ANKRD10: variants seen among roughly 807,000 people sequenced by gnomAD.
ANKRD10 encodes ankyrin repeat domain 10.
A neutral mutation model predicts 27.0 loss-of-function variants in ANKRD10; 14 were observed. The ratio of observed to expected loss-of-function variants is 0.52; its 90% confidence interval spans 0.34 to 0.81. The LOEUF (loss-of-function observed/expected upper bound fraction) is 0.81, where lower values mean the gene tolerates loss of function less well. Ranked by LOEUF, ANKRD10 falls within the 40% of genes least tolerant of loss-of-function variation. The pLI is 0.01. For synonymous variants in ANKRD10, 250 were observed against 224.5 expected, an observed-to-expected ratio of 1.11 and a Z score of -1.01; for missense variants, 493 against 544.0, an observed-to-expected ratio of 0.91 and a Z score of 0.93.
chr13:110,912,065 C>CTAT (rs1486827752), intron 1 of ANKRD10, among the ~76,000 whole-genome samples: 1 of 152,210 alleles, frequency 6.6e-6, no homozygotes, highest in Non-Finnish European at 1.5e-5. Context: ...ACCATGATAG[C>CTAT]CTCTGGCTAA....
chr13:110,907,715 G>T (rs1044964433), intron 2 of ANKRD10, among the ~76,000 whole-genome samples: 1 of 152,156 alleles, frequency 6.6e-6, no homozygotes, highest in African/African-American at 2.4e-5. Flanking sequence ...AGTCAACTCG[G>T]ATTTTTTAAA....
intron 3 of ANKRD10, among the ~76,000 whole-genome samples, chr13:110,905,626 CAG>C (rs2065509808): frequency 1.3e-5 from 2 of 152,188 alleles, no homozygotes; most frequent in African/African-American, 4.8e-5. Flanking sequence ...CCTTCTGAGC[CAG>C]AGAGGTCTGA....
intron 5 of ANKRD10, among the ~76,000 whole-genome samples, chr13:110,882,793 A>AT (rs907527252): frequency 1.1e-4 from 17 of 152,206 alleles, no homozygotes; most frequent in Admixed American, 3.3e-4. Context: ...AACACAAATG[A>AT]TTTTTTTCAT....
At chr13:110,900,705 T>C in intron 3 of ANKRD10, 1 of 1,348,246 alleles carries the variant, frequency 7.4e-7, no homozygotes, top group Non-Finnish European at 9.8e-7. Context: ...CTGTAAAACA[T>C]TGACATGTGT....
intron 4 of ANKRD10, among the ~76,000 whole-genome samples, chr13:110,884,456 C>T (rs2064878542): frequency 6.6e-6 from 1 of 152,198 alleles, no homozygotes; most frequent in African/African-American, 2.4e-5. Flanking sequence ...GCCTCTGAAT[C>T]CTAGCAAGAC....
At chr13:110,905,513 G>A (rs899164145) in intron 3 of ANKRD10, among the ~76,000 whole-genome samples, 4 of 152,146 alleles carry the variant, frequency 2.6e-5, no homozygotes, top group African/African-American at 4.8e-5. Flanking sequence ...TATTTTACAA[G>A]GAACTATCAA....
At chr13:110,881,469 T>C (rs2064816703) in intron 5 of ANKRD10, among the ~76,000 whole-genome samples, 1 of 152,230 alleles carries the variant, frequency 6.6e-6, no homozygotes, top group African/African-American at 2.4e-5. Context: ...ATCATCCTTT[T>C]TTTTTATATT....
chr13:110,914,825 G>C lies in ANKRD10; in HGVS notation c.110C>G (p.Thr37Arg), dbSNP rs777103453. 8.2e-6 allele frequency: 13 copies of C among 1,586,998 alleles called. No homozygotes were observed. The Admixed American group carries it at 2.3e-4, about 28-fold the overall frequency. ...HRACRDGDLA[T>R]LCSLLQQTPH... The stretch of plus-strand genomic sequence containing the variant: ...TGTCTGCTGCAGCAGCGAGCAGAGC[G>C]TGGCCAGGTCCCCGTCGCGGCAGGC... The change falls in exon 1 of 6, where the codon ACG becomes AGG. Residue 37 changes from threonine to arginine, a missense_variant. Transcript: ENST00000267339.
Position 110,883,735 on chromosome 13 carries a change from G to T in ANKRD10, c.750C>A (p.Asp250Glu). The part of the protein sequence containing the change: ...LTNGDTEDDA[D>E]KMHVDREFAV... ...CAAACTCCCTATCAACGTGCATTTTGTCAGCATCGTCTTCTGTGTCGCCAT... is the reference window on the plus strand; with the variant it reads ...CAAACTCCCTATCAACGTGCATTTTTTCAGCATCGTCTTCTGTGTCGCCAT... Residue 250 changes from aspartate to glutamate, a missense_variant, in exon 5 of 6, where the codon GAC becomes GAA. Transcript: ENST00000267339. 1 of 1,614,174 alleles carries T rather than the reference G, an allele frequency of 6.2e-7. No homozygotes were observed. The highest frequency in any genetic ancestry group is 8.5e-7 in the Non-Finnish European group (1 of 1,180,024).
At position 110,893,011 on chromosome 13, in the gene ANKRD10, C is replaced by A. The variant is rs770677572; in HGVS notation, c.691+17G>T. 6 of 1,612,494 alleles carry A rather than the reference C, an allele frequency of 3.7e-6. No homozygotes were observed. The African/African-American group carries it at 8.0e-5, about 22-fold the overall frequency. ...GGAAAAATAAGTGTGCTCTTCCCACCCGCAAAGCGGTCTCACCTTCAGTTC... is the reference window on the plus strand; with the variant it reads ...GGAAAAATAAGTGTGCTCTTCCCACACGCAAAGCGGTCTCACCTTCAGTTC... On this transcript the variant is annotated intron_variant, in intron 4 of 5. Transcript: ENST00000267339.
rs559307858 is a variant in ANKRD10 at position 110,879,377 on chromosome 13, T to G, written c.*260A>C. The G allele has an allele frequency of 1.3e-5, 6 of 453,442 alleles. No individual in the cohort carries two copies. The South Asian group carries it at 1.5e-4, about 12-fold the overall frequency. 28.1% of individuals were successfully genotyped at this position (453,442 alleles called of 1,614,324 possible). A position where few individuals can be genotyped will look rare whatever the true frequency, so the allele number is the denominator to read the frequency against. ...TGGTGACAGTATTAAAAAGACAATG[T>G]TGAGATTGGCATCAGAAAAACTCCA... On this transcript the variant is annotated 3_prime_UTR_variant, in exon 6 of 6. Coordinates refer to ENST00000267339, the MANE Select transcript of ANKRD10 (RefSeq NM_017664.4).
intron 2 of ANKRD10, among the ~76,000 whole-genome samples, chr13:110,906,929 C>T (rs969541270): frequency 4.6e-5 from 7 of 152,068 alleles, no homozygotes; most frequent in African/African-American, 1.7e-4. Flanking sequence ...GTCTACACTG[C>T]ATGAATGAAA....
At chr13:110,912,709 G>C (rs2065754248) in intron 1 of ANKRD10, among the ~76,000 whole-genome samples, 1 of 152,202 alleles carries the variant, frequency 6.6e-6, no homozygotes, top group Non-Finnish European at 1.5e-5. Flanking sequence ...GGGATCTTGT[G>C]CACCACTAGC....
chr13:110,905,019 G>A (rs973843956), intron 3 of ANKRD10: 1 of 152,160 alleles, frequency 6.6e-6, no homozygotes, highest in Non-Finnish European at 1.5e-5. Flanking sequence ...GAAACCAAAG[G>A]GTTAAACTAG....
chr13:110,897,291 CT>C (rs1473136748), intron 3 of ANKRD10, among the ~76,000 whole-genome samples: 1 of 92,958 alleles, frequency 1.1e-5, no homozygotes, highest in Non-Finnish European at 2.0e-5. Flanking sequence ...CCATGCCTGG[CT>C]ACTTTTTTTT....
chr13:110,903,001 C>T (rs1337583491), intron 3 of ANKRD10, among the ~76,000 whole-genome samples: 1 of 151,738 alleles, frequency 6.6e-6, no homozygotes, highest in African/African-American at 2.4e-5. Context: ...GTGAAAAGGT[C>T]TTCTTAATTA....
At chr13:110,894,415 A>AAAAAAAAAC (rs2065170727) in intron 3 of ANKRD10, 1 of 316,810 alleles carries the variant, frequency 3.2e-6, no homozygotes, top group Non-Finnish European at 5.8e-6. Context: ...AAAAAAAAAA[A>AAAAAAAAAC]AAAAAAAAAA....
At chr13:110,904,595 A>G (rs2065475868) in intron 3 of ANKRD10, among the ~76,000 whole-genome samples, 1 of 152,246 alleles carries the variant, frequency 6.6e-6, no homozygotes, top group Non-Finnish European at 1.5e-5. Context: ...TCCGTATTTT[A>G]TAATGAAAGT....
intron 4 of ANKRD10, among the ~76,000 whole-genome samples, chr13:110,888,329 G>A (rs9521978): frequency 0.28 from 42,185 of 151,468 alleles, 6,997 homozygotes; most frequent in Non-Finnish European, 0.38. Context: ...AGTGGAAAAC[G>A]CAGACACTGT....
Sources: allele counts gnomAD v4.1 joint callset (sites outside exome capture counted in the v4.1 genomes callset), GRCh38; gene constraint gnomAD v4.1.1; transcripts MANE v1.5; gene names NCBI Gene and HGNC (gene_info 2026-07-23, HGNC 2026-07-21).